The following UBE2T variants were observed in gnomAD, a reference collection of about 807,000 sequenced individuals.
UBE2T encodes the protein ubiquitin conjugating enzyme E2 T.
Under a neutral mutation model 23.3 loss-of-function variants are expected in UBE2T, and 15 were observed. The ratio of observed to expected loss-of-function variants is 0.64; its 90% CI spans 0.43 to 0.99. UBE2T has a LOEUF of 0.99. Among genes scored for constraint, UBE2T ranks in the 50% least tolerant of loss-of-function variants. The pLI is 0.00. For missense variants in UBE2T, 197 were observed against 234.9 expected, an observed-to-expected ratio of 0.84 and a Z score of 1.05; for synonymous variants, 67 against 78.4, an observed-to-expected ratio of 0.85 and a Z score of 0.77.
rs890429891 is a variant in UBE2T at position 202,341,926 on chromosome 1, C to T, written c.-96G>A. 6.6e-6 allele frequency: 1 copy of T among 152,386 alleles called. No homozygotes were observed. Among genetic ancestry groups the T allele is most frequent in the Admixed American group, 6.5e-5 (1 of 15,292 alleles). 9.4% of individuals were successfully genotyped at this position (152,386 alleles called of 1,614,324 possible). On this transcript the variant is annotated 5_prime_UTR_variant, in exon 1 of 7. Coordinates refer to ENST00000646651, the MANE Select transcript of UBE2T (RefSeq NM_014176.4). ...TGACACCCCTCACAACGCAGCAACGCGCGGACCAACGGGGTACCAGCGCCT... is the reference window on the plus strand; with the variant it reads ...TGACACCCCTCACAACGCAGCAACGTGCGGACCAACGGGGTACCAGCGCCT...
At chr1:202,339,502 T>G (rs550422769) in intron 1 of UBE2T, among the ~76,000 whole-genome samples, 1 of 149,356 alleles carries the variant, frequency 6.7e-6, no homozygotes, top group African/African-American at 2.5e-5. Context: ...GAAAAAATAC[T>G]TTTTTCTTAA....
intron 1 of UBE2T, among the ~76,000 whole-genome samples, chr1:202,341,652 C>T (rs1171558151): frequency 3.3e-5 from 5 of 150,104 alleles, no homozygotes; most frequent in African/African-American, 4.9e-5. Context: ...CTGTTATGTC[C>T]CTTCTAGTGG....
rs1654748101 is a variant in UBE2T at position 202,331,721 on chromosome 1, A to G, written c.*114T>C. On this transcript the variant is annotated 3_prime_UTR_variant, in exon 7 of 7. Coordinates refer to ENST00000646651, the MANE Select transcript of UBE2T (RefSeq NM_014176.4). Reference sequence around the variant, plus strand: ...TTTCAAAATACATATGTACAAGATAAATAAACTACACAAAAATTATGTCAT... The same window carrying G: ...TTTCAAAATACATATGTACAAGATAGATAAACTACACAAAAATTATGTCAT... 7.6e-7 allele frequency: 1 copy of G among 1,322,722 alleles called. No individual in the cohort carries two copies. Among genetic ancestry groups the G allele is most frequent in the African/African-American group, 1.5e-5 (1 of 67,628 alleles). The allele number at this position is 1,322,722 out of a possible 1,614,324, so 81.9% of individuals were successfully genotyped here.
At chr1:202,338,024 TATG>T (rs1360983309) in intron 1 of UBE2T, among the ~76,000 whole-genome samples, 3 of 152,222 alleles carry the variant, frequency 2.0e-5, no homozygotes, top group Non-Finnish European at 4.4e-5. Flanking sequence ...CTGATATCTT[TATG>T]ATATTGAATC....
At chr1:202,334,966 T>A in intron 3 of UBE2T, 23 bp downstream of exon 3, 1 of 1,605,890 alleles carries the variant, frequency 6.2e-7, no homozygotes, top group East Asian at 2.2e-5. Flanking sequence ...ACCATGTAGG[T>A]TGAGAAGCTG....
In UBE2T at chr1:202,333,230, T is replaced by TA. The variant is rs1654805988; in HGVS notation, c.384+6dup. The TA allele has an allele frequency of 6.2e-7, 1 of 1,613,998 alleles. No homozygotes were observed. Among genetic ancestry groups the TA allele is most frequent in the African/African-American group, 1.3e-5 (1 of 74,896 alleles). ...TATGTGTTGCAGAGGAAAATGGGGA[T>TA]ATTTACTATGTCAGCCATGAGCGGG... On this transcript the variant is annotated splice_region_variant and intron_variant, in intron 5 of 6. Transcript: ENST00000646651.
At position 202,331,824 on chromosome 1, in the gene UBE2T, G is replaced by C. The variant is rs1322057730; in HGVS notation, c.*11C>G. On this transcript the variant is annotated 3_prime_UTR_variant, in exon 7 of 7. Coordinates refer to ENST00000646651, the MANE Select transcript of UBE2T (RefSeq NM_014176.4). ...AGAACACATTAACTAAGATGAACCAGGACAAGTCCCCTAAACATCAGGATG... is the reference window on the plus strand; with the variant it reads ...AGAACACATTAACTAAGATGAACCACGACAAGTCCCCTAAACATCAGGATG... 6.2e-7 allele frequency: 1 copy of C among 1,613,960 alleles called. No individual in the cohort carries two copies. The highest frequency in any genetic ancestry group is 1.1e-5 in the South Asian group (1 of 91,064).
chr1:202,340,621 C>T (rs941974107), intron 1 of UBE2T, among the ~76,000 whole-genome samples: 4 of 152,120 alleles, frequency 2.6e-5, no homozygotes, highest in African/African-American at 9.7e-5. Flanking sequence ...GCAAATACTA[C>T]ACCATTTTAT....
intron 3 of UBE2T, 91 bp from the exon 4 acceptor site, chr1:202,333,646 AT>A: frequency 1.6e-6 from 2 of 1,227,888 alleles, no homozygotes; most frequent in Non-Finnish European, 2.3e-6. Context: ...TAATTTTGGT[AT>A]TATAGAAATG....
In UBE2T at chr1:202,333,288, A is replaced by T. The variant is rs1402390956; in HGVS notation, c.333T>A (p.Ile111=). The change falls in exon 5 of 7, where the codon ATT becomes ATA. Residue 111 remains isoleucine (I), a synonymous_variant. Transcript: ENST00000646651. The part of the protein sequence containing the change: ...SLNIATVLTS[I]QLLMSEPNPD... ...GGTTGGGTTCTGACATGAGCAGCTG[A>T]ATAGAGGTCAACACAGTTGCGATGT... 4 of 1,614,086 alleles carry T rather than the reference A, an allele frequency of 2.5e-6. No homozygotes were observed. Among genetic ancestry groups the T allele is most frequent in the Non-Finnish European group, 3.4e-6 (4 of 1,180,056 alleles).
intron 3 of UBE2T, among the ~76,000 whole-genome samples, chr1:202,334,616 G>A (rs1388697981): frequency 6.6e-6 from 1 of 152,192 alleles, no homozygotes; most frequent in Non-Finnish European, 1.5e-5. Context: ...GAAATGGGGA[G>A]TTAGAGTTTA....
intron 1 of UBE2T, among the ~76,000 whole-genome samples, chr1:202,340,532 A>G (rs927500385): frequency 1.3e-5 from 2 of 152,048 alleles, no homozygotes; most frequent in African/African-American, 4.8e-5. Flanking sequence ...AAAAAAGAAA[A>G]AAAGAACCAG....
chr1:202,338,661 C>A (rs946630164), intron 1 of UBE2T, among the ~76,000 whole-genome samples: 8 of 152,224 alleles, frequency 5.3e-5, no homozygotes, highest in Non-Finnish European at 7.4e-5. Context: ...CCTTCTAATT[C>A]TTTTCCTGCC....
intron 3 of UBE2T, among the ~76,000 whole-genome samples, chr1:202,334,060 A>T (rs910091239): frequency 6.6e-6 from 1 of 152,156 alleles, no homozygotes; most frequent in Admixed American, 6.5e-5. Flanking sequence ...CTGATGCACC[A>T]CATGATTATT....
chr1:202,338,333 T>C (rs705734), intron 1 of UBE2T, among the ~76,000 whole-genome samples: 151,186 of 152,206 alleles, frequency 0.99, 75,092 homozygotes, highest in East Asian at 1. Flanking sequence ...GATTCTCCTG[T>C]CTCAGCCTCC....
rs758062756 is a variant in UBE2T, at chr1:202,335,779, C to A, written c.-25G>T. 4.5e-5 allele frequency: 73 copies of A among 1,606,032 alleles called. No homozygotes were observed. The highest frequency in any genetic ancestry group is 5.0e-5 in the Admixed American group (3 of 59,982). On this transcript the variant is annotated 5_prime_UTR_variant, in exon 2 of 7. Transcript: ENST00000646651. The surrounding 1 kb of genome is among the most constrained non-coding windows in gnomAD (Gnocchi z 4.0). ...TGATCCCCAAGTAGAAGGAACCACACACAGTTCACTGCTCCACACTAAGAG... is the reference window on the plus strand; with the variant it reads ...TGATCCCCAAGTAGAAGGAACCACAAACAGTTCACTGCTCCACACTAAGAG...
chr1:202,332,155 C>T (rs1264521954), intron 6 of UBE2T, among the ~76,000 whole-genome samples, 195 bp from the exon 7 acceptor site: 1 of 152,130 alleles, frequency 6.6e-6, no homozygotes, highest in East Asian at 1.9e-4. Flanking sequence ...ACAAGTAACA[C>T]CACTGCTATT....
At position 202,331,879 on chromosome 1, in the gene UBE2T, T is replaced by C; in HGVS notation, c.550A>G (p.Ser184Gly). 3 of 1,614,178 alleles carry C rather than the reference T, an allele frequency of 1.9e-6. No individual in the cohort carries two copies. The East Asian group carries it at 6.7e-5, about 36-fold the overall frequency. The change falls in exon 7 of 7, where the codon AGT becomes GGT. Residue 184 changes from serine to glycine, a missense_variant. By Grantham distance (56) the Ser-to-Gly change is moderately conservative. Transcript: ENST00000646651. ...VHNSTQKRKA[S>G]QLVGIEKKFH... ...TTCTTTTCTATGCCTACTAGCTGAC[T>C]GGCCTTCCTTTTCTGTGTTGAGTTG...
intron 1 of UBE2T, 45 bp downstream of exon 1, chr1:202,341,850 T>C (rs557286413): frequency 6.6e-6 from 1 of 152,274 alleles, no homozygotes; most frequent in Non-Finnish European, 1.5e-5. Context: ...CCTTCTCCAG[T>C]GTACCTTCTT....
Sources: gnomAD v4.1 joint callset for allele counts (sites outside exome capture counted in the v4.1 genomes callset) on GRCh38, gnomAD v4.1.1 for gene constraint, Gnocchi (gnomAD v3.1) non-coding constraint, MANE v1.5 for transcripts, NCBI Gene and HGNC (gene_info 2026-07-23, HGNC 2026-07-21) for gene names.